Variants in USP35 observed in about 807,000 individuals in gnomAD.
USP35 encodes the protein ubiquitin carboxyl-terminal hydrolase 35.
USP35 carries 69 observed loss-of-function variants against 83.8 expected under a neutral mutation model. The observed-to-expected ratio is 0.82, with a 90% CI of 0.68 to 1.01. The LOEUF (loss-of-function observed/expected upper bound fraction) is 1.01, where lower values mean the gene tolerates loss of function less well. USP35 is among the 50% of genes least tolerant of loss of function. The pLI, the probability that USP35 is intolerant of heterozygous loss-of-function variation, is 0.00. For missense variants in USP35, 1,503 were observed against 1,362.5 expected, an observed-to-expected ratio of 1.10 and a Z score of -1.62; for synonymous variants, 714 against 589.5, an observed-to-expected ratio of 1.21 and a Z score of -3.06.
chr11:78,212,062 T>C (rs1863802970), intron 10 of USP35, among the ~76,000 whole-genome samples: 1 of 152,252 alleles, frequency 6.6e-6, no homozygotes, highest in African/African-American at 2.4e-5. Context: ...TCTAGGGGTT[T>C]AATACCTTTG....
intron 7 of USP35, 92 bp downstream of exon 7, chr11:78,206,127 G>T (rs1863524187): frequency 2.1e-6 from 3 of 1,447,124 alleles, no homozygotes; most frequent in Non-Finnish European, 2.8e-6. Context: ...GTGGGGGTTG[G>T]AGAGGGTGGG....
chr11:78,203,953 G>C (rs555330524), intron 6 of USP35, among the ~76,000 whole-genome samples: 141 of 120,908 alleles, frequency 1.2e-3, no homozygotes, highest in African/African-American at 4.1e-3. Flanking sequence ...TGCAGTGGCG[G>C]GATCTCGGCT....
chr11:78,224,960 G>A, the USP35 span: 12 of 605,092 alleles, frequency 2.0e-5, no homozygotes, highest in South Asian at 1.2e-4. Context: ...AAGACTCAAC[G>A]CAGGGTTCTG....
At chr11:78,199,383 G>T in intron 3 of USP35, 1 of 642,762 alleles carries the variant, frequency 1.6e-6, no homozygotes, top group Non-Finnish European at 2.6e-6. Context: ...CTCCCTTCTT[G>T]GTGGGCTGGG....
At chr11:78,211,721 A>C in intron 10 of USP35, among the ~76,000 whole-genome samples, 1 of 152,020 alleles carries the variant, frequency 6.6e-6, no homozygotes, top group East Asian at 1.9e-4. Flanking sequence ...TTTCTTTCGT[A>C]CGTTTGTTGG....
In USP35 at chr11:78,213,888, C is replaced by T. The variant is rs912663569; in HGVS notation, c.*75C>T. ...CCTGAGGGAAGCTGTGGAGGCAGGC[C>T]CTACCAAGAGGAAGGATGGTACAGC... On this transcript the variant is annotated 3_prime_UTR_variant, in exon 11 of 11. Transcript: ENST00000529308. The T allele has an allele frequency of 1.4e-5, 21 of 1,499,328 alleles. No homozygotes were observed. The African/African-American group carries it at 2.2e-4, about 16-fold the overall frequency. The allele number at this position is 1,499,328 out of a possible 1,614,324, so 92.9% of individuals were successfully genotyped here. A position where few individuals can be genotyped will look rare whatever the true frequency, so the allele number is the denominator to read the frequency against.
At chr11:78,213,586 C>G in intron 10 of USP35, 60 bp from the exon 11 acceptor site, 1 of 1,429,932 alleles carries the variant, frequency 7.0e-7, no homozygotes, top group Non-Finnish European at 9.1e-7. Context: ...GCTGGGTAGA[C>G]TCACTCTGGC....
chr11:78,230,409 C>T, the USP35 span, among the ~76,000 whole-genome samples: 1 of 152,252 alleles, frequency 6.6e-6, no homozygotes, highest in African/African-American at 2.4e-5. Flanking sequence ...CAACACCTTA[C>T]ACAAAGTCCA....
Position 78,213,649 on chromosome 11 carries a change from CAGG to C in USP35, c.2896_2898del (p.Glu966del), listed in dbSNP as rs1863906767. 4 of 1,486,026 alleles carry C rather than the reference CAGG, an allele frequency of 2.7e-6. No homozygotes were observed. Among genetic ancestry groups the C allele is most frequent in the African/African-American group, 1.5e-5 (1 of 67,876 alleles). The allele number at this position is 1,486,026 out of a possible 1,614,324, so 92.1% of individuals were successfully genotyped here. ...CTCCTCTCATCTGTGTTCCCAGGAG[CAGG>C]AGAAGGAGGCCCGGAGCAGGGCGGC... On this transcript the variant is annotated inframe_deletion, in exon 11 of 11. Coordinates refer to ENST00000529308, the MANE Select transcript of USP35 (RefSeq NM_020798.4).
intron 6 of USP35, among the ~76,000 whole-genome samples, chr11:78,204,526 C>CTTCTTTG (rs1469431602): frequency 1.3e-5 from 2 of 152,104 alleles, no homozygotes; most frequent in Admixed American, 6.5e-5. Context: ...ACAAAGTTAC[C>CTTCTTTG]TTCTTTGGGA....
At chr11:78,220,261 A>G in the USP35 span, 1 of 1,600,138 alleles carries the variant, frequency 6.2e-7, no homozygotes, top group Non-Finnish European at 8.5e-7. Flanking sequence ...GGCCTCCATG[A>G]TCTCTGCCTC....
chr11:78,223,971 A>G, the USP35 span, among the ~76,000 whole-genome samples: 12 of 152,076 alleles, frequency 7.9e-5, no homozygotes, highest in African/African-American at 2.9e-4. Flanking sequence ...AGTCCCAGCT[A>G]CTCAGGAGGC....
chr11:78,213,206 C>CT (rs767685078), intron 10 of USP35, among the ~76,000 whole-genome samples: 16 of 152,188 alleles, frequency 1.1e-4, no homozygotes, highest in Non-Finnish European at 1.9e-4. Flanking sequence ...GGGACAGCTT[C>CT]TGCCATGCTG....
At chr11:78,199,856 GC>G in intron 4 of USP35, 132 bp downstream of exon 4, 1 of 1,418,034 alleles carries the variant, frequency 7.1e-7, no homozygotes, top group Non-Finnish European at 9.7e-7. Flanking sequence ...CGAATTCACT[GC>G]CCCTCTCTGG....
Position 78,196,415 on chromosome 11 carries a change from C to A in USP35, c.170C>A (p.Pro57Gln). Residue 57 changes from proline (P) to glutamine (Q), a missense_variant, in exon 2 of 11, where the codon CCG becomes CAG. Coordinates refer to ENST00000529308, the MANE Select transcript of USP35 (RefSeq NM_020798.4). This position sits in a 1 kb window ranked among gnomAD's most constrained non-coding sequence, Gnocchi z 4.8. ...RLYVGGAEEL[P>Q]RRVGCQLLHV... The stretch of plus-strand genomic sequence containing the variant: ...TACGTGGGCGGCGCGGAGGAGCTGC[C>A]GCGCCGCGTGGGCTGCCAGCTGCTG... 1 of 1,303,290 alleles carries A rather than the reference C, an allele frequency of 7.7e-7. No individual in the cohort carries two copies. The highest frequency in any genetic ancestry group is 9.7e-7 in the Non-Finnish European group (1 of 1,029,716). 80.7% of individuals were successfully genotyped at this position (1,303,290 alleles called of 1,614,324 possible). A position where few individuals can be genotyped will look rare whatever the true frequency, so the allele number is the denominator to read the frequency against.
In USP35 at chr11:78,207,517, C is replaced by G; in HGVS notation, c.1392-13C>G. 6.2e-7 allele frequency: 1 copy of G among 1,613,760 alleles called. No individual in the cohort carries two copies. The highest frequency in any genetic ancestry group is 8.5e-7 in the Non-Finnish European group (1 of 1,179,880). ...CCATGGCTTACCCTGGGTGCCCCTG[C>G]TTTGTTTTGAAGCTTCAGACATTGT... On this transcript the variant is annotated splice_polypyrimidine_tract_variant and intron_variant, in intron 7 of 10. Transcript: ENST00000529308.
At chr11:78,197,896 C>A (rs1302911656) in intron 2 of USP35, 40 bp from the exon 3 acceptor site, 1 of 1,601,226 alleles carries the variant, frequency 6.2e-7, no homozygotes. Context: ...AAGGGAGGGG[C>A]CTGCCTCCCT....
chr11:78,205,977 A>G lies in USP35; in HGVS notation c.1333A>G (p.Asn445Asp), dbSNP rs1590910076. ...AGACACGGGCAAGATTGGTCTCATC[A>G]ACCTGGGCAACACATGCTATGTCAA... ...KSDTGKIGLINLGNTCYVNSI... is the reference protein window; with the variant it reads ...KSDTGKIGLIDLGNTCYVNSI... Residue 445 changes from asparagine (N) to aspartate (D), a missense_variant, in exon 7 of 11, where the codon AAC (asparagine) becomes GAC (aspartate). By Grantham distance (23) the Asn-to-Asp change is conservative. Transcript: ENST00000529308. 1 of 1,614,214 alleles carries G rather than the reference A, an allele frequency of 6.2e-7. No individual in the cohort carries two copies. The highest frequency in any genetic ancestry group is 1.3e-5 in the African/African-American group (1 of 75,050).
chr11:78,201,536 A>G (rs573049269), intron 6 of USP35, among the ~76,000 whole-genome samples: 44 of 152,320 alleles, frequency 2.9e-4, no homozygotes, highest in African/African-American at 1.1e-3. Context: ...CAGAGGAAGG[A>G]AAGATCTTCT....
Sources: allele counts gnomAD v4.1 joint callset (sites outside exome capture counted in the v4.1 genomes callset), GRCh38; gene constraint gnomAD v4.1.1; non-coding constraint Gnocchi (gnomAD v3.1); transcripts MANE v1.5; gene names NCBI Gene and HGNC (gene_info 2026-07-23, HGNC 2026-07-21).